DLG2: variants seen among roughly 807,000 people sequenced by gnomAD.
DLG2 encodes discs large MAGUK scaffold protein 2.
A neutral mutation model predicts 132.5 loss-of-function variants in DLG2; 45 were observed. The ratio of observed to expected loss-of-function variants is 0.34; its 90% CI spans 0.27 to 0.44. DLG2 has a LOEUF of 0.44. Among genes scored for constraint, DLG2 ranks in the 20% least tolerant of loss-of-function variants. The pLI, the probability that DLG2 is intolerant of heterozygous loss-of-function variation, is 1.00. For synonymous variants in DLG2, 424 were observed against 419.6 expected (o/e 1.01, Z -0.13); for missense variants, 1,045 against 1,196.9 (o/e 0.87, Z 1.87).
At chr11:84,972,618 G>A (rs1377738031) in intron 6 of DLG2, among the ~76,000 whole-genome samples, 4 of 152,112 alleles carry the variant, frequency 2.6e-5, no homozygotes, top group Non-Finnish European at 4.4e-5. Flanking sequence ...TTGGTTAAAC[G>A]CTTAACACTA....
intron 6 of DLG2, among the ~76,000 whole-genome samples, chr11:84,729,962 T>C (rs762519179): frequency 6.6e-6 from 1 of 152,068 alleles, no homozygotes; most frequent in Non-Finnish European, 1.5e-5. Context: ...AAGTGTTTTT[T>C]GAAATAATTA....
intron 16 of DLG2, among the ~76,000 whole-genome samples, chr11:83,873,810 T>C (rs2063968280): frequency 6.6e-6 from 1 of 152,138 alleles, no homozygotes; most frequent in Non-Finnish European, 1.5e-5. Context: ...TTACATCTTT[T>C]CAGGAACCAA....
chr11:84,735,729 A>C (rs2063743675), intron 6 of DLG2, among the ~76,000 whole-genome samples: 1 of 151,972 alleles, frequency 6.6e-6, no homozygotes, highest in Non-Finnish European at 1.5e-5. Context: ...TTGTGATGTT[A>C]GGGTGTCAAT....
chr11:84,800,587 G>C (rs750077272), intron 6 of DLG2: 4 of 152,216 alleles, frequency 2.6e-5, no homozygotes, highest in South Asian at 2.1e-4. Context: ...CAAGAAGAAG[G>C]CCAAGGCATC....
intron 21 of DLG2, among the ~76,000 whole-genome samples, chr11:83,487,809 G>GGAAA (rs1489730740): frequency 3.9e-5 from 6 of 151,932 alleles, no homozygotes; most frequent in African/African-American, 1.4e-4. Flanking sequence ...ATGTAAAAAA[G>GGAAA]GAAAGAATTT....
rs1293045469 is a variant in DLG2 at position 85,122,835 on chromosome 11, TAC to T, written c.283-11102_283-11101del. ...TATACATGCAAATTATATATATATATACACACACACACATAAATGCACACACA... is the reference window on the plus strand; with the variant it reads ...TATACATGCAAATTATATATATATATACACACACACATAAATGCACACACA... On this transcript the variant is annotated intron_variant, in intron 5 of 27. Transcript: ENST00000376104. Among the ~76,000 whole-genome samples the T allele has an allele frequency of 5.6e-4, 83 of 148,520 alleles. 1 individual carries two copies. The highest frequency in any genetic ancestry group is 3.6e-3 in the Middle Eastern group (1 of 280).
intron 7 of DLG2, among the ~76,000 whole-genome samples, chr11:84,471,208 T>G (rs1388179945): frequency 6.6e-6 from 1 of 151,742 alleles, no homozygotes; most frequent in African/African-American, 2.4e-5. Flanking sequence ...AGAAGCCCCC[T>G]GAGCACTTTC....
At chr11:84,392,517 G>A (rs1459244034) in intron 7 of DLG2, among the ~76,000 whole-genome samples, 2 of 152,148 alleles carry the variant, frequency 1.3e-5, no homozygotes, top group East Asian at 3.9e-4. Flanking sequence ...TACTTACGAT[G>A]TTCAAGGAAT....
intron 7 of DLG2, among the ~76,000 whole-genome samples, chr11:84,368,614 A>C (rs777328066): frequency 7.9e-5 from 12 of 152,130 alleles, no homozygotes; most frequent in Non-Finnish European, 1.6e-4. Context: ...CTTTAGATGC[A>C]TCCTGGTTGT....
intron 7 of DLG2, among the ~76,000 whole-genome samples, chr11:84,527,934 TCG>T (rs1491511202): frequency 2.2e-4 from 32 of 146,432 alleles, no homozygotes; most frequent in Non-Finnish European, 4.1e-4. Context: ...TCTCTCTCTC[TCG>T]CTAATAAATA....
chr11:85,048,897 G>A (rs754378822), intron 6 of DLG2, among the ~76,000 whole-genome samples: 14 of 151,928 alleles, frequency 9.2e-5, no homozygotes, highest in Non-Finnish European at 1.9e-4. Flanking sequence ...GTGTTCTTAC[G>A]CTCTTTGTTA....
chr11:84,533,093 A>T (rs1479581970), intron 7 of DLG2, among the ~76,000 whole-genome samples: 1 of 152,202 alleles, frequency 6.6e-6, no homozygotes, highest in African/African-American at 2.4e-5. Context: ...ACGAGTCATT[A>T]TCCATTGCTG....
rs1256175542 is a variant in DLG2, at chr11:85,610,897, T to A, written c.-92-12109A>T. Among the ~76,000 whole-genome samples the A allele has an allele frequency of 2.0e-5, 3 of 151,992 alleles. No individual in the cohort carries two copies. In the East Asian group the frequency reaches 5.8e-4, roughly 29 times the overall value. ...ATCACGGGCTTTTGCCGACTATGGA[T>A]CCCCGGATACAGCGAGATGGCCAGA... is the stretch of plus-strand genomic sequence containing the variant. On this transcript the variant is annotated intron_variant, in intron 2 of 27. Transcript: ENST00000376104.
intron 6 of DLG2, among the ~76,000 whole-genome samples, chr11:84,581,929 A>G (rs1019870733): frequency 5.3e-5 from 8 of 151,474 alleles, no homozygotes; most frequent in African/African-American, 1.9e-4. Flanking sequence ...AAAAAAAAAA[A>G]AAGAAAGGAA....
intron 4 of DLG2, among the ~76,000 whole-genome samples, chr11:85,155,964 C>T (rs1165466515): frequency 6.6e-6 from 1 of 152,122 alleles, no homozygotes; most frequent in African/African-American, 2.4e-5. Flanking sequence ...TGCCAACTCT[C>T]CTCTGGCTGG....
intron 7 of DLG2, among the ~76,000 whole-genome samples, chr11:84,488,465 TG>T (rs1214372869): frequency 6.6e-6 from 1 of 152,148 alleles, no homozygotes; most frequent in Non-Finnish European, 1.5e-5. Flanking sequence ...GCCTCTTTGC[TG>T]TTGGGTATAG....
At chr11:85,266,409 T>A (rs1382075870) in intron 4 of DLG2, among the ~76,000 whole-genome samples, 1 of 151,978 alleles carries the variant, frequency 6.6e-6, no homozygotes, top group African/African-American at 2.4e-5. Context: ...AGTTGAACAA[T>A]GAGAACACAT....
chr11:83,465,530 C>A (rs536044810), intron 26 of DLG2, among the ~76,000 whole-genome samples: 74 of 152,262 alleles, frequency 4.9e-4, no homozygotes, highest in Non-Finnish European at 7.9e-4. Context: ...TTGATCAAGG[C>A]CCTCATGACA....
intron 6 of DLG2, among the ~76,000 whole-genome samples, chr11:85,014,877 A>T (rs2059440794): frequency 6.6e-6 from 1 of 152,166 alleles, no homozygotes. Flanking sequence ...ATGATCTCCA[A>T]GCTCTGTGAG....
Sources: allele counts gnomAD v4.1 joint callset (sites outside exome capture counted in the v4.1 genomes callset), GRCh38; gene constraint gnomAD v4.1.1; transcripts MANE v1.5; gene names NCBI Gene and HGNC (gene_info 2026-07-23, HGNC 2026-07-21).